CHD2: variants seen among roughly 807,000 people sequenced by gnomAD.
CHD2 encodes the protein ATP-dependent chromatin remodeler CHD2.
Under a neutral mutation model 243.9 loss-of-function variants are expected in CHD2, and 28 were observed. The observed-to-expected ratio is 0.11, with a 90% CI of 0.09 to 0.16. CHD2 has a LOEUF of 0.16. CHD2 is among the 10% of genes least tolerant of loss of function. CHD2 has a pLI of 1.00. For synonymous variants in CHD2, 775 were observed against 779.0 expected, an observed-to-expected ratio of 0.99 and a Z score of 0.09; for missense variants, 1,386 against 2,209.8, an observed-to-expected ratio of 0.63 and a Z score of 7.47.
At chr15:92,919,898 T>C (rs936711083) in intron 2 of CHD2, among the ~76,000 whole-genome samples, 1 of 152,206 alleles carries the variant, frequency 6.6e-6, no homozygotes, top group Non-Finnish European at 1.5e-5. Flanking sequence ...AGTCATAAAA[T>C]GTCACTAGTA....
chr15:92,951,399 G>A (rs978730026), intron 13 of CHD2, among the ~76,000 whole-genome samples: 1 of 152,106 alleles, frequency 6.6e-6, no homozygotes, highest in African/African-American at 2.4e-5. Flanking sequence ...TTGAACTCCT[G>A]ACCTCAAGTG....
intron 4 of CHD2, among the ~76,000 whole-genome samples, chr15:92,927,733 T>C (rs2053089453): frequency 6.6e-6 from 1 of 152,242 alleles, no homozygotes; most frequent in African/African-American, 2.4e-5. Flanking sequence ...GTTTGGGATT[T>C]ATTCCTGAAA....
At chr15:92,984,645 A>G in intron 25 of CHD2, 145 bp downstream of exon 25, 1 of 698,224 alleles carries the variant, frequency 1.4e-6, no homozygotes. Flanking sequence ...AAACTTAACA[A>G]AGGAAAGTGG....
chr15:92,971,815 G>A lies in CHD2; in HGVS notation c.2240G>A (p.Ser747Asn). Residue 747 changes from serine (S) to asparagine (N), a missense_variant, in exon 18 of 39, where the codon AGC becomes AAC. Ser to Asn is a conservative substitution (Grantham distance 46). This residue lies in a region of CHD2 where 118 missense variants were observed against 266.3 expected (regional missense o/e 0.44). Transcript: ENST00000394196. ...YKALAKGTRGSTSGFLNIVME... is the reference protein window; with the variant it reads ...YKALAKGTRGNTSGFLNIVME... Reference sequence around the variant, plus strand: ...GCTCTTGCCAAAGGAACAAGAGGCAGCACATCTGGTTTTCTTAATATTGTG... The same window carrying A: ...GCTCTTGCCAAAGGAACAAGAGGCAACACATCTGGTTTTCTTAATATTGTG... 6.2e-7 allele frequency: 1 copy of A among 1,613,882 alleles called. No individual in the cohort carries two copies. The highest frequency in any genetic ancestry group is 8.5e-7 in the Non-Finnish European group (1 of 1,179,906).
chr15:92,984,039 T>C lies in CHD2; in HGVS notation c.3067-291T>C, dbSNP rs961142895. Among the ~76,000 whole-genome samples the C allele has an allele frequency of 3.2e-4, 48 of 152,184 alleles. 1 individual carries two copies. The highest frequency in any genetic ancestry group is 5.9e-5 in the Non-Finnish European group (4 of 68,024). Reference sequence around the variant, plus strand: ...TTAGTATTATATTTATTAGAACATGTATATGATTTATAACAGCTCATTCAA... The same window carrying C: ...TTAGTATTATATTTATTAGAACATGCATATGATTTATAACAGCTCATTCAA... On this transcript the variant is annotated intron_variant, in intron 24 of 38. Coordinates refer to ENST00000394196, the MANE Select transcript of CHD2 (RefSeq NM_001271.4).
At chr15:92,978,684 G>A (rs190186522) in intron 21 of CHD2, among the ~76,000 whole-genome samples, 11 of 152,304 alleles carry the variant, frequency 7.2e-5, no homozygotes, top group Admixed American at 2.0e-4. Context: ...TTTTAGTATG[G>A]AAAAGTTAAA....
rs1420617770 is a variant in CHD2 at position 92,985,599 on chromosome 15, G to A, written c.3339G>A (p.Lys1113=). Residue 1113 remains lysine, a synonymous_variant, in exon 26 of 39, where the codon AAG becomes AAA. Coordinates refer to ENST00000394196, the MANE Select transcript of CHD2 (RefSeq NM_001271.4). ...CGGAAGACTCTGATGATGACAAGAA[G>A]CCAAAGCGCAGAGGGCGTCCGAGGA... The part of the protein sequence containing the change: ...SETEDSDDDK[K]PKRRGRPRSV... 6.2e-7 allele frequency: 1 copy of A among 1,613,938 alleles called. No homozygotes were observed. Among genetic ancestry groups the A allele is most frequent in the Non-Finnish European group, 8.5e-7 (1 of 1,180,016 alleles).
At chr15:92,936,003 C>T (rs1034372574) in intron 5 of CHD2, among the ~76,000 whole-genome samples, 1 of 151,676 alleles carries the variant, frequency 6.6e-6, no homozygotes, top group Admixed American at 6.6e-5. Context: ...GGTACAAAGA[C>T]GAACAAAAAG....
chr15:92,991,263 T>C (rs1341754318), intron 26 of CHD2: 3 of 477,090 alleles, frequency 6.3e-6, no homozygotes, highest in Non-Finnish European at 1.1e-5. Flanking sequence ...AAAGTTGATC[T>C]TTAATTTGAA....
rs774715709 is a variant in CHD2, at chr15:93,012,440, A to G, written c.4688A>G (p.Glu1563Gly). Residue 1563 changes from glutamate (E) to glycine (G), a missense_variant, in exon 36 of 39, where the codon GAA becomes GGA. This residue lies in a region of CHD2 where 11 missense variants were observed against 47.7 expected (regional missense o/e 0.23). Coordinates refer to ENST00000394196, the MANE Select transcript of CHD2 (RefSeq NM_001271.4). ...KMAHKKRSQE[E>G]EEQKKKDDVT... ...GCTCATAAGAAAAGGTCTCAAGAAG[A>G]AGAGGTAAAGTACAAATTCAGTCCT... 2.8e-5 allele frequency: 44 copies of G among 1,589,832 alleles called. No individual in the cohort carries two copies. Among genetic ancestry groups the G allele is most frequent in the Non-Finnish European group, 3.1e-5 (36 of 1,165,988 alleles).
chr15:93,009,816 A>G (rs1488275910), intron 35 of CHD2, among the ~76,000 whole-genome samples: 1 of 152,232 alleles, frequency 6.6e-6, no homozygotes, highest in African/African-American at 2.4e-5. Flanking sequence ...GGATTAAGTT[A>G]ATCTAGAACT....
chr15:92,901,541 CTTTA>C (rs2052528925), intron 2 of CHD2: 2 of 532,340 alleles, frequency 3.8e-6, no homozygotes, highest in Non-Finnish European at 6.6e-6. Context: ...GGTAAGGTAC[CTTTA>C]TTCAAAGGGG....
chr15:93,002,385 A>G, intron 33 of CHD2, 68 bp downstream of exon 33: 1 of 1,556,312 alleles, frequency 6.4e-7, no homozygotes, highest in Non-Finnish European at 8.6e-7. Flanking sequence ...ATTTAGAAGT[A>G]GAATGAGATT....
chr15:92,955,817 G>C (rs2053611238), intron 15 of CHD2, among the ~76,000 whole-genome samples: 1 of 152,174 alleles, frequency 6.6e-6, no homozygotes, highest in Non-Finnish European at 1.5e-5. Context: ...CAGAATGAAA[G>C]GGTATTGAAT....
intron 17 of CHD2, among the ~76,000 whole-genome samples, chr15:92,969,941 T>C (rs1181314512): frequency 1.3e-5 from 2 of 151,932 alleles, no homozygotes; most frequent in Non-Finnish European, 2.9e-5. Context: ...TTTTGCTTTT[T>C]AAGGTTATAT....
At chr15:92,909,807 G>C (rs1270926005) in intron 2 of CHD2, among the ~76,000 whole-genome samples, 1 of 151,964 alleles carries the variant, frequency 6.6e-6, no homozygotes, top group Non-Finnish European at 1.5e-5. Context: ...GTGAGCCACC[G>C]TACCTGGCCT....
At chr15:93,007,630 A>G (rs1241262714) in intron 34 of CHD2, among the ~76,000 whole-genome samples, 1 of 152,150 alleles carries the variant, frequency 6.6e-6, no homozygotes, top group African/African-American at 2.4e-5. Flanking sequence ...TCATTGTGCC[A>G]GATACTCAGT....
At chr15:92,948,041 A>G (rs1223546272) in intron 12 of CHD2, among the ~76,000 whole-genome samples, 1 of 152,164 alleles carries the variant, frequency 6.6e-6, no homozygotes, top group Admixed American at 6.5e-5. Context: ...AAATTGTATA[A>G]CTTTTTGATC....
chr15:92,937,749 A>G (rs1373507277), intron 6 of CHD2, 124 bp downstream of exon 6: 3 of 672,140 alleles, frequency 4.5e-6, no homozygotes, highest in South Asian at 2.4e-5. Flanking sequence ...TGCGTTTTAG[A>G]TATCTGTGGT....
Sources: allele counts gnomAD v4.1 joint callset (sites outside exome capture counted in the v4.1 genomes callset), GRCh38; gene constraint gnomAD v4.1.1; regional missense constraint gnomAD v4.1.1; transcripts MANE v1.5; gene names NCBI Gene and HGNC (gene_info 2026-07-23, HGNC 2026-07-21).